The following TXNDC16 variants were observed in gnomAD, a reference collection of about 807,000 sequenced individuals.
TXNDC16 encodes thioredoxin domain-containing protein 16.
A neutral mutation model predicts 85.6 loss-of-function variants in TXNDC16; 74 were observed. The ratio of observed to expected loss-of-function variants is 0.86; its 90% CI spans 0.72 to 1.05. The LOEUF is 1.05. TXNDC16 is among the 50% of genes least tolerant of loss of function. The probability of loss-of-function intolerance (pLI) is 0.00; values close to 1 mark genes in which losing one functional copy is unlikely to be tolerated. For missense variants in TXNDC16, 959 were observed against 947.0 expected (o/e 1.01, Z -0.17); for synonymous variants, 335 against 326.5 (o/e 1.03, Z -0.28).
intron 14 of TXNDC16, among the ~76,000 whole-genome samples, chr14:52,481,541 T>G (rs1347632594): frequency 6.6e-6 from 1 of 152,192 alleles, no homozygotes; most frequent in African/African-American, 2.4e-5. Context: ...TTCTGCAATG[T>G]AAGGCAATAT....
intron 9 of TXNDC16, among the ~76,000 whole-genome samples, chr14:52,508,706 C>T (rs2036877759): frequency 6.6e-6 from 1 of 152,254 alleles, no homozygotes; most frequent in South Asian, 2.1e-4. Context: ...CAAAATGTGG[C>T]ATATATACAC....
At chr14:52,484,205 G>A (rs530790831) in intron 12 of TXNDC16, among the ~76,000 whole-genome samples, 5 of 150,600 alleles carry the variant, frequency 3.3e-5, no homozygotes, top group Admixed American at 2.6e-4. Flanking sequence ...ATAAGGGGGG[G>A]GGGTGATTGG....
chr14:52,440,898 T>A (rs2140102222), intron 18 of TXNDC16, among the ~76,000 whole-genome samples, 174 bp from the exon 19 acceptor site: 1 of 152,322 alleles, frequency 6.6e-6, no homozygotes, highest in Non-Finnish European at 1.5e-5. Flanking sequence ...ATCGTCTTAT[T>A]CAATCCCACC....
intron 9 of TXNDC16, among the ~76,000 whole-genome samples, chr14:52,493,216 T>TATATATATAC: frequency 2.0e-4 from 23 of 115,938 alleles, no homozygotes; most frequent in African/African-American, 8.1e-4. Flanking sequence ...TATATATATA[T>TATATATATAC]ACACACACAC....
At chr14:52,443,130 AC>A (rs2035203526) in intron 18 of TXNDC16, among the ~76,000 whole-genome samples, 1 of 152,028 alleles carries the variant, frequency 6.6e-6, no homozygotes, top group Admixed American at 6.6e-5. Context: ...GAAAAGGCAG[AC>A]CCACCTTAAT....
intron 6 of TXNDC16, among the ~76,000 whole-genome samples, chr14:52,530,465 T>TAATATAA (rs2037519983): frequency 7.0e-3 from 5 of 718 alleles, no homozygotes; most frequent in African/African-American, 0.024. Flanking sequence ...ATAATATATA[T>TAATATAA]TATATATTAT....
intron 20 of TXNDC16, 132 bp downstream of exon 20, chr14:52,439,072 A>G (rs1594678071): frequency 3.2e-5 from 31 of 959,678 alleles, no homozygotes; most frequent in Non-Finnish European, 4.6e-5. Flanking sequence ...CCTCCCAGTC[A>G]GAGACTGTCC....
At chr14:52,507,795 C>T (rs2036848063) in intron 9 of TXNDC16, among the ~76,000 whole-genome samples, 1 of 152,050 alleles carries the variant, frequency 6.6e-6, no homozygotes. Context: ...ACAAATGTGA[C>T]AAAAACAAGA....
At chr14:52,456,972 A>T (rs994742027) in intron 17 of TXNDC16, 118 bp downstream of exon 17, 5 of 673,810 alleles carry the variant, frequency 7.4e-6, no homozygotes, top group Non-Finnish European at 1.2e-5. Flanking sequence ...AATAAAAAAA[A>T]TTTCTTTAGA....
intron 4 of TXNDC16, among the ~76,000 whole-genome samples, chr14:52,540,108 A>G (rs1411795696): frequency 6.6e-6 from 1 of 152,236 alleles, no homozygotes; most frequent in East Asian, 1.9e-4. Context: ...ATTTAAGGCA[A>G]GACATATAGC....
At chr14:52,474,599 G>A (rs986846020) in intron 14 of TXNDC16, among the ~76,000 whole-genome samples, 2 of 152,022 alleles carry the variant, frequency 1.3e-5, no homozygotes, top group African/African-American at 4.8e-5. Context: ...GCACGGTGGT[G>A]CACACCTGTA....
At chr14:52,486,592 C>T (rs140363909) in intron 12 of TXNDC16, among the ~76,000 whole-genome samples, 3 of 151,988 alleles carry the variant, frequency 2.0e-5, no homozygotes, top group Admixed American at 6.6e-5. Context: ...CTGGGGTGCA[C>T]CTGTCTCTGA....
At chr14:52,494,845 G>C (rs926577783) in intron 9 of TXNDC16, among the ~76,000 whole-genome samples, 2 of 152,192 alleles carry the variant, frequency 1.3e-5, no homozygotes, top group East Asian at 3.8e-4. Context: ...CCAGATGTCT[G>C]CCATCAATGA....
intron 18 of TXNDC16, among the ~76,000 whole-genome samples, chr14:52,454,479 A>G (rs1274256244): frequency 6.6e-6 from 1 of 151,228 alleles, no homozygotes; most frequent in Non-Finnish European, 1.5e-5. Context: ...TTCATCTACT[A>G]TGTACCCAGA....
chr14:52,496,680 A>C (rs544074266), intron 9 of TXNDC16, among the ~76,000 whole-genome samples: 2 of 150,044 alleles, frequency 1.3e-5, no homozygotes, highest in Admixed American at 6.7e-5. Context: ...ATTACAGCTC[A>C]CTACAGCCTT....
chr14:52,445,302 A>G (rs2140105852), intron 18 of TXNDC16, among the ~76,000 whole-genome samples: 1 of 152,258 alleles, frequency 6.6e-6, no homozygotes, highest in East Asian at 1.9e-4. Context: ...CAATTCAATG[A>G]TTTGATTATT....
intron 6 of TXNDC16, among the ~76,000 whole-genome samples, chr14:52,529,634 A>AATGCCTATTATATATATTATAT (rs2037434918): frequency 9.7e-6 from 1 of 102,962 alleles, no homozygotes; most frequent in Non-Finnish European, 1.8e-5. Context: ...TATTATATAT[A>AATGCCTATTATATATATTATAT]ATGCCTATTA....
In TXNDC16 at chr14:52,482,416, T is replaced by A. The variant is rs144114393; in HGVS notation, c.1253-127A>T. ...ATTGTTAATCAGAAATATTCTACTA[T>A]ACATTTCTCAACATAGTCCAACCAC... On this transcript the variant is annotated intron_variant, in intron 13 of 20. Coordinates refer to ENST00000281741, the MANE Select transcript of TXNDC16 (RefSeq NM_020784.3). 7.0e-4 allele frequency: 556 copies of A among 796,920 alleles called. 4 individuals carry two copies. The highest frequency in any genetic ancestry group is 6.2e-3 in the African/African-American group (357 of 57,746). The allele number at this position is 796,920 out of a possible 1,614,324, so 49.4% of individuals were successfully genotyped here. A position where few individuals can be genotyped will look rare whatever the true frequency, so the allele number is the denominator to read the frequency against.
intron 12 of TXNDC16, 106 bp from the exon 13 acceptor site, chr14:52,483,071 T>A (rs927398419): frequency 1.0e-6 from 1 of 961,090 alleles, no homozygotes; most frequent in Admixed American, 3.3e-5. Context: ...ATACAAACTT[T>A]TGAATTCATC....
Sources: gnomAD v4.1 joint callset for allele counts (sites outside exome capture counted in the v4.1 genomes callset) on GRCh38, gnomAD v4.1.1 for gene constraint, MANE v1.5 for transcripts, NCBI Gene and HGNC (gene_info 2026-07-23, HGNC 2026-07-21) for gene names.